The following COL9A1 variants were observed in gnomAD, a reference collection of about 807,000 sequenced individuals.
The protein encoded by COL9A1 is collagen alpha-1(IX) chain.
A neutral mutation model predicts 142.6 loss-of-function variants in COL9A1; 104 were observed. The observed-to-expected ratio is 0.73, with a 90% CI of 0.62 to 0.86. COL9A1 has a LOEUF of 0.86. Ranked by LOEUF, COL9A1 falls within the 40% of genes least tolerant of loss-of-function variation. The pLI, the probability that COL9A1 is intolerant of heterozygous loss-of-function variation, is 0.00. For synonymous variants in COL9A1, 466 were observed against 396.0 expected (o/e 1.18, Z -2.10); for missense variants, 1,210 against 1,176.6 (o/e 1.03, Z -0.42).
intron 33 of COL9A1, among the ~76,000 whole-genome samples, chr6:70,236,568 C>A (rs893755521): frequency 6.6e-6 from 1 of 152,182 alleles, no homozygotes; most frequent in Admixed American, 6.5e-5. Context: ...CAAACAAATA[C>A]TTTAAACTGA....
Position 70,302,981 on chromosome 6 carries a change from G to A in COL9A1, c.-57C>T. ...GTCCCTATGAAGAAGGGGTTGGAAG[G>A]GAGTCACTGTCCCCTCACGACCCCT... is the stretch of plus-strand genomic sequence containing the variant. On this transcript the variant is annotated 5_prime_UTR_variant, in exon 1 of 38. Transcript: ENST00000357250. The A allele has an allele frequency of 6.3e-7, 1 of 1,577,168 alleles. No individual in the cohort carries two copies. The highest frequency in any genetic ancestry group is 8.7e-7 in the Non-Finnish European group (1 of 1,146,394).
At position 70,282,914 on chromosome 6, in the gene COL9A1, C is replaced by T; in HGVS notation, c.785G>A (p.Ser262Asn). Residue 262 changes from serine (S) to asparagine (N), a missense_variant, in exon 7 of 38, where the codon AGC (serine) becomes AAC (asparagine). Coordinates refer to ENST00000357250, the MANE Select transcript of COL9A1 (RefSeq NM_001851.6). ...CHELPARITP[S>N]QTTDERGPPG... ...CCAACTTACCTCGTCGGTGGTCTGG[C>T]TGGGCTGGAGAAGAAAAGATGGGGA... 1.2e-6 allele frequency: 2 copies of T among 1,614,160 alleles called. No individual in the cohort carries two copies. Among genetic ancestry groups the T allele is most frequent in the African/African-American group, 2.7e-5 (2 of 75,048 alleles).
intron 4 of COL9A1, among the ~76,000 whole-genome samples, chr6:70,295,032 A>G (rs567239881): frequency 1.9e-4 from 29 of 152,332 alleles, no homozygotes; most frequent in South Asian, 8.3e-4. Flanking sequence ...TTTATTTTAA[A>G]GTAGCATGTT....
At chr6:70,227,288 A>G (rs1769285681) in intron 36 of COL9A1, among the ~76,000 whole-genome samples, 1 of 151,958 alleles carries the variant, frequency 6.6e-6, no homozygotes, top group Admixed American at 6.6e-5. Context: ...AATCAATACA[A>G]AAAGGCCAAC....
At chr6:70,221,151 G>C (rs1016579792) in intron 37 of COL9A1, among the ~76,000 whole-genome samples, 1 of 151,852 alleles carries the variant, frequency 6.6e-6, no homozygotes, top group South Asian at 2.1e-4. Context: ...AACCACTAGA[G>C]GGTAGTCATG....
At chr6:70,281,144 A>G in intron 8 of COL9A1, 105 bp from the exon 9 acceptor site, 1 of 1,023,628 alleles carries the variant, frequency 9.8e-7, no homozygotes, top group Non-Finnish European at 1.5e-6. Flanking sequence ...GGGATGGTGT[A>G]AGGGTCAAAC....
intron 28 of COL9A1, among the ~76,000 whole-genome samples, chr6:70,248,144 C>T (rs941954261): frequency 3.3e-5 from 5 of 152,142 alleles, no homozygotes; most frequent in East Asian, 1.9e-4. Flanking sequence ...AGAAATGGAC[C>T]GAGAGCTACC....
chr6:70,246,875 G>T (rs181986069), intron 28 of COL9A1, among the ~76,000 whole-genome samples: 1 of 152,248 alleles, frequency 6.6e-6, no homozygotes, highest in African/African-American at 2.4e-5. Context: ...GTAACTTCGG[G>T]CAAGCAGCTT....
In COL9A1 at chr6:70,281,005, G is replaced by A. The variant is rs1394702419; in HGVS notation, c.911C>T (p.Pro304Leu). The A allele has an allele frequency of 1.9e-6, 3 of 1,612,656 alleles. No individual in the cohort carries two copies. The highest frequency in any genetic ancestry group is 2.5e-6 in the Non-Finnish European group (3 of 1,179,200). The part of the protein sequence containing the change: ...DRGPKGPPGP[P>L]GPAGEPGKPG... The stretch of plus-strand genomic sequence containing the variant: ...CGCCATATGCTCCAATCAACTTACC[G>A]GGGGGCCCGGGGGGCCCTTAGGACC... Residue 304 changes from proline to leucine, a missense_variant and splice_region_variant, in exon 9 of 38, where the codon CCG becomes CTG. Coordinates refer to ENST00000357250, the MANE Select transcript of COL9A1 (RefSeq NM_001851.6).
intron 4 of COL9A1, among the ~76,000 whole-genome samples, chr6:70,295,499 G>T (rs950160616): frequency 1.3e-5 from 2 of 151,680 alleles, no homozygotes; most frequent in African/African-American, 4.8e-5. Context: ...TGTCAGTCAG[G>T]CTGGTCTCGA....
chr6:70,280,445 A>G, intron 10 of COL9A1: 1 of 1,214,442 alleles, frequency 8.2e-7, no homozygotes, highest in Non-Finnish European at 1.0e-6. Context: ...CAGTGGGCTC[A>G]CAGCAGGTAA....
At chr6:70,302,825 T>C (rs929331944) in intron 1 of COL9A1, 86 bp downstream of exon 1, 1 of 1,443,250 alleles carries the variant, frequency 6.9e-7, no homozygotes, top group African/African-American at 1.4e-5. Flanking sequence ...ACTCTCATCT[T>C]ACCACTGCTG....
At chr6:70,237,509 C>T (rs1769989263) in intron 33 of COL9A1, among the ~76,000 whole-genome samples, 1 of 152,202 alleles carries the variant, frequency 6.6e-6, no homozygotes, top group African/African-American at 2.4e-5. Context: ...TCAGGTAAGA[C>T]ACTTGTGGGG....
chr6:70,241,388 C>T lies in COL9A1; in HGVS notation c.2034+31G>A, dbSNP rs201879471. 138 of 1,584,252 alleles carry T rather than the reference C, an allele frequency of 8.7e-5. 1 individual carries two copies. The highest frequency in any genetic ancestry group is 2.2e-4 in the Admixed American group (13 of 59,982). On this transcript the variant is annotated intron_variant, in intron 31 of 37. Coordinates refer to ENST00000357250, the MANE Select transcript of COL9A1 (RefSeq NM_001851.6). ...GTGAAATGGTGCATATCAAACATTG[C>T]ATTTTATACCAATTAAATAATAAGA...
At chr6:70,225,897 G>A (rs748558592) in intron 37 of COL9A1, 35 bp downstream of exon 37, 33 of 1,550,770 alleles carry the variant, frequency 2.1e-5, no homozygotes, top group Middle Eastern at 3.3e-4. Flanking sequence ...TACCAATTTC[G>A]CTACCTCCTC....
intron 10 of COL9A1, chr6:70,280,512 A>G (rs1773077008): frequency 7.4e-7 from 1 of 1,352,656 alleles, no homozygotes; most frequent in East Asian, 3.0e-5. Flanking sequence ...AGTGGGGCTG[A>G]GAGTTCACAG....
In COL9A1 at chr6:70,237,206, C is replaced by T. The variant is rs137959181; in HGVS notation, c.2112+2048G>A. 4.6e-5 allele frequency among the ~76,000 whole-genome samples: 7 copies of T among 152,276 alleles called. No homozygotes were observed. The East Asian group carries it at 9.6e-4, about 21-fold the overall frequency. On this transcript the variant is annotated intron_variant, in intron 33 of 37. Transcript: ENST00000357250. ...AACTGACAGAAAACAAAGGAGACCA[C>T]GACAGAGTGTATAATCCTGCTGATA...
At chr6:70,230,570 C>T (rs1320179031) in intron 36 of COL9A1, among the ~76,000 whole-genome samples, 1 of 152,138 alleles carries the variant, frequency 6.6e-6, no homozygotes, top group Non-Finnish European at 1.5e-5. Flanking sequence ...GAGCCATTTC[C>T]CAGGTTCCAA....
chr6:70,272,521 A>G (rs1772474545), intron 12 of COL9A1, among the ~76,000 whole-genome samples: 1 of 152,144 alleles, frequency 6.6e-6, no homozygotes, highest in Non-Finnish European at 1.5e-5. Flanking sequence ...AAGTTCCCCA[A>G]ACATTCAGCA....
Sources: gnomAD v4.1 joint callset for allele counts (sites outside exome capture counted in the v4.1 genomes callset) on GRCh38, gnomAD v4.1.1 for gene constraint, MANE v1.5 for transcripts, NCBI Gene and HGNC (gene_info 2026-07-23, HGNC 2026-07-21) for gene names.